The following GRIA2 variants were observed in gnomAD, a reference collection of about 807,000 sequenced individuals.
GRIA2 encodes the protein glutamate receptor 2.
Under a neutral mutation model 97.3 loss-of-function variants are expected in GRIA2, and 14 were observed. The ratio of observed to expected loss-of-function variants is 0.14; its 90% CI spans 0.10 to 0.23. The LOEUF is 0.23. Ranked by LOEUF, GRIA2 falls within the 10% of genes least tolerant of loss-of-function variation. The pLI is 1.00. For synonymous variants in GRIA2, 412 were observed against 387.8 expected (o/e 1.06, Z -0.73); for missense variants, 558 against 1,069.8 (o/e 0.52, Z 6.67).
At chr4:157,335,954 G>T in intron 10 of GRIA2, 77 bp downstream of exon 10, 2 of 913,086 alleles carry the variant, frequency 2.2e-6, no homozygotes, top group South Asian at 2.8e-5. Flanking sequence ...TCCCTGTGAA[G>T]TATCTATATC....
chr4:157,263,740 T>G (rs911343064), intron 2 of GRIA2, among the ~76,000 whole-genome samples: 1 of 152,064 alleles, frequency 6.6e-6, no homozygotes, highest in African/African-American at 2.4e-5. Flanking sequence ...ATATAGTCAA[T>G]GAGAATCTTA....
chr4:157,345,302 A>C (rs1240140533), intron 12 of GRIA2, among the ~76,000 whole-genome samples: 1 of 151,964 alleles, frequency 6.6e-6, no homozygotes, highest in South Asian at 2.1e-4. Flanking sequence ...AACCACCAAG[A>C]GATGTGAGGA....
At chr4:157,262,373 C>CT (rs908754602) in intron 2 of GRIA2, among the ~76,000 whole-genome samples, 42 of 151,904 alleles carry the variant, frequency 2.8e-4, no homozygotes, top group African/African-American at 8.9e-4. Context: ...ATAATGGTAA[C>CT]TTTTTTTTGC....
intron 4 of GRIA2, among the ~76,000 whole-genome samples, chr4:157,314,375 T>C (rs112507054): frequency 1.8e-4 from 28 of 152,296 alleles, no homozygotes; most frequent in African/African-American, 6.0e-4. Flanking sequence ...TCATGGAATA[T>C]TGAATAACTG....
chr4:157,337,649 A>G (rs1262396107), intron 11 of GRIA2, among the ~76,000 whole-genome samples: 1 of 151,968 alleles, frequency 6.6e-6, no homozygotes, highest in Non-Finnish European at 1.5e-5. Flanking sequence ...GGTGCCTTTC[A>G]TGATACAATT....
chr4:157,346,415 T>A (rs999425207), intron 12 of GRIA2, among the ~76,000 whole-genome samples: 4 of 152,144 alleles, frequency 2.6e-5, no homozygotes, highest in Non-Finnish European at 4.4e-5. Context: ...ATATTGCTAA[T>A]GATTTATCTG....
At chr4:157,256,860 A>G (rs74755107) in intron 2 of GRIA2, among the ~76,000 whole-genome samples, 1,638 of 152,124 alleles carry the variant, frequency 0.011, 22 homozygotes, top group African/African-American at 0.036. Flanking sequence ...AAGCGACATG[A>G]TTTTGTAATG....
chr4:157,362,459 G>A, intron 14 of GRIA2: 1 of 472,964 alleles, frequency 2.1e-6, no homozygotes, highest in South Asian at 1.5e-5. Context: ...TGAAGAAACT[G>A]TCTTGTACCT....
At chr4:157,225,405 G>A (rs993704902) in intron 2 of GRIA2, among the ~76,000 whole-genome samples, 2 of 151,480 alleles carry the variant, frequency 1.3e-5, no homozygotes, top group African/African-American at 4.9e-5. Flanking sequence ...GCTGAAAAGA[G>A]AACTAAGATT....
intron 2 of GRIA2, among the ~76,000 whole-genome samples, chr4:157,282,013 G>A (rs1732628225): frequency 6.6e-6 from 1 of 152,068 alleles, no homozygotes; most frequent in Non-Finnish European, 1.5e-5. Flanking sequence ...CAATCTTCCA[G>A]TTTGTTACAG....
At chr4:157,332,771 T>A in intron 6 of GRIA2, 48 bp from the exon 7 acceptor site, 2 of 1,465,300 alleles carry the variant, frequency 1.4e-6, no homozygotes, top group Non-Finnish European at 1.9e-6. Context: ...GTGCAGTGAG[T>A]TTCTGAATTT....
At chr4:157,355,970 AATAT>A (rs1491203351) in intron 12 of GRIA2, among the ~76,000 whole-genome samples, 1 of 4,252 alleles carries the variant, frequency 2.4e-4, no homozygotes, top group Non-Finnish European at 5.8e-4. Flanking sequence ...TATGTATATT[AATAT>A]ATATATTTAT....
chr4:157,301,353 A>G (rs1421824254), intron 2 of GRIA2, among the ~76,000 whole-genome samples: 1 of 152,234 alleles, frequency 6.6e-6, no homozygotes, highest in East Asian at 1.9e-4. Flanking sequence ...GACAAGAACA[A>G]AAAGTATGGG....
intron 2 of GRIA2, among the ~76,000 whole-genome samples, chr4:157,265,603 G>A (rs1175860147): frequency 1.3e-5 from 2 of 152,080 alleles, no homozygotes; most frequent in Non-Finnish European, 2.9e-5. Context: ...TATTGGCTAA[G>A]CCTCCTTAGA....
At chr4:157,358,547 C>T (rs1291353255) in intron 12 of GRIA2, among the ~76,000 whole-genome samples, 2 of 152,122 alleles carry the variant, frequency 1.3e-5, no homozygotes, top group Non-Finnish European at 2.9e-5. Context: ...GTTGACATAT[C>T]TTTAGAGTTA....
chr4:157,275,488 T>G (rs1007443427), intron 2 of GRIA2, among the ~76,000 whole-genome samples: 7 of 152,168 alleles, frequency 4.6e-5, no homozygotes, highest in Non-Finnish European at 8.8e-5. Context: ...CTTCTAGAGT[T>G]TTTACGGTTT....
chr4:157,262,434 C>A (rs914334125), intron 2 of GRIA2, among the ~76,000 whole-genome samples: 4 of 151,936 alleles, frequency 2.6e-5, no homozygotes, highest in African/African-American at 4.8e-5. Context: ...TTGGGCCAAT[C>A]TTAATAACGA....
chr4:157,337,475 A>G (rs932668561), intron 11 of GRIA2, among the ~76,000 whole-genome samples: 1 of 152,048 alleles, frequency 6.6e-6, no homozygotes, highest in Non-Finnish European at 1.5e-5. Context: ...GCACGTATGA[A>G]TAAGAATGAT....
chr4:157,344,540 A>G (rs1265353970), intron 12 of GRIA2, among the ~76,000 whole-genome samples: 1 of 152,056 alleles, frequency 6.6e-6, no homozygotes, highest in African/African-American at 2.4e-5. Flanking sequence ...TGGAGCCAAG[A>G]CCTAGTAAAA....
Sources: allele counts gnomAD v4.1 joint callset (sites outside exome capture counted in the v4.1 genomes callset), GRCh38; gene constraint gnomAD v4.1.1; transcripts MANE v1.5; gene names NCBI Gene and HGNC (gene_info 2026-07-23, HGNC 2026-07-21).